AFF3: variants seen among roughly 807,000 people sequenced by gnomAD.
AFF3 encodes ALF transcription elongation factor 3, also known as AF4/FMR2 family member 3.
A neutral mutation model predicts 129.7 loss-of-function variants in AFF3; 32 were observed. The ratio of observed to expected loss-of-function variants is 0.25; its 90% CI spans 0.19 to 0.33. The LOEUF (loss-of-function observed/expected upper bound fraction) is 0.33, where lower values mean the gene tolerates loss of function less well. AFF3 is among the 10% of genes least tolerant of loss of function. AFF3 has a pLI of 1.00. For missense variants in AFF3, 1,373 were observed against 1,592.0 expected, an observed-to-expected ratio of 0.86 and a Z score of 2.34; for synonymous variants, 644 against 635.4, an observed-to-expected ratio of 1.01 and a Z score of -0.20.
At chr2:99,595,793 A>G (rs1679227936) in intron 14 of AFF3, among the ~76,000 whole-genome samples, 1 of 152,160 alleles carries the variant, frequency 6.6e-6, no homozygotes, top group African/African-American at 2.4e-5. Context: ...GAAGCCTCTG[A>G]TGGGCCAGAA....
intron 7 of AFF3, among the ~76,000 whole-genome samples, chr2:99,932,124 T>C (rs1696712381): frequency 6.6e-6 from 1 of 152,244 alleles, no homozygotes; most frequent in African/African-American, 2.4e-5. Context: ...CTGCAGCCCA[T>C]GGACGCATGC....
chr2:99,916,677 C>T (rs765156735), intron 7 of AFF3, among the ~76,000 whole-genome samples: 1 of 152,122 alleles, frequency 6.6e-6, no homozygotes, highest in African/African-American at 2.4e-5. Context: ...GCCAGTGGCA[C>T]ACTGGTTCTT....
At chr2:99,606,740 C>G (rs951631875) in intron 13 of AFF3, among the ~76,000 whole-genome samples, 13 of 151,674 alleles carry the variant, frequency 8.6e-5, no homozygotes, top group African/African-American at 3.1e-4. Context: ...TGGTGAAACC[C>G]CGTCTCTACT....
At position 100,007,844 on chromosome 2, in the gene AFF3, G is replaced by A. The variant is rs182644703; in HGVS notation, c.175-384C>T. ...ACAAAAATTAGTGGGGTGTGGTGTC[G>A]GGCTGCTGTAGTCCCAGCTACTCAG... On this transcript the variant is annotated intron_variant, in intron 5 of 24. Coordinates refer to ENST00000672756, the MANE Select transcript of AFF3 (RefSeq NM_001386135.1). The A allele has an allele frequency of 1.5e-3, 294 of 202,306 alleles. 4 individuals are homozygous for A. The highest frequency in any genetic ancestry group is 6.6e-3 in the African/African-American group (281 of 42,500). 12.5% of individuals were successfully genotyped at this position (202,306 alleles called of 1,614,324 possible). A position where few individuals can be genotyped will look rare whatever the true frequency, so the allele number is the denominator to read the frequency against.
chr2:99,713,737 G>A (rs891296351), intron 11 of AFF3, among the ~76,000 whole-genome samples: 4 of 149,758 alleles, frequency 2.7e-5, no homozygotes, highest in African/African-American at 9.9e-5. Flanking sequence ...TTGTTCTGTT[G>A]CTCTGGCTAG....
chr2:100,139,943 A>G (rs998695296), intron 1 of AFF3, among the ~76,000 whole-genome samples: 18 of 152,248 alleles, frequency 1.2e-4, no homozygotes, highest in Non-Finnish European at 4.4e-5. Flanking sequence ...TGCACAAATT[A>G]TGGAACATCA....
intron 2 of AFF3, among the ~76,000 whole-genome samples, chr2:100,120,312 C>T (rs1280896894): frequency 6.6e-6 from 1 of 152,182 alleles, no homozygotes; most frequent in African/African-American, 2.4e-5. Context: ...ATTCTAACAG[C>T]TCAGTCTGAG....
chr2:99,602,616 C>T (rs1440346298), intron 13 of AFF3, among the ~76,000 whole-genome samples: 1 of 152,128 alleles, frequency 6.6e-6, no homozygotes, highest in African/African-American at 2.4e-5. Flanking sequence ...CTTTTGAGGT[C>T]AAGCTCTAAA....
chr2:99,587,057 A>G, intron 16 of AFF3, 97 bp downstream of exon 16: 1 of 1,518,082 alleles, frequency 6.6e-7, no homozygotes, highest in South Asian at 1.2e-5. Context: ...TGACCAGAGT[A>G]GTCCTCAAAA....
In AFF3 at chr2:99,969,181, C is replaced by T. The variant is rs908812324; in HGVS notation, c.873+37451G>A. ...AGGTGCACTGCCCCAGCACATATTC[C>T]GCCTCTCTTGTTAATGACTCCCCAT... On this transcript the variant is annotated intron_variant, in intron 7 of 24. Coordinates refer to ENST00000672756, the MANE Select transcript of AFF3 (RefSeq NM_001386135.1). 2.1e-4 allele frequency among the ~76,000 whole-genome samples: 32 copies of T among 152,100 alleles called. 1 individual carries two copies. The highest frequency in any genetic ancestry group is 2.0e-3 in the Admixed American group (30 of 15,276).
At chr2:99,723,409 A>G (rs983784250) in intron 11 of AFF3, among the ~76,000 whole-genome samples, 2 of 152,176 alleles carry the variant, frequency 1.3e-5, no homozygotes, top group Admixed American at 1.3e-4. Context: ...AAGTCCATAT[A>G]ATGGCTTTAA....
chr2:99,887,514 T>C (rs72951684), intron 7 of AFF3, among the ~76,000 whole-genome samples: 1 of 152,214 alleles, frequency 6.6e-6, no homozygotes, highest in Non-Finnish European at 1.5e-5. Context: ...TCACAAAATA[T>C]CATAGTATTA....
In AFF3 at chr2:100,024,477, G is replaced by A. The variant is rs972435280; in HGVS notation, c.54-15545C>T. The stretch of plus-strand genomic sequence containing the variant: ...TACAAAATTAGCCGGGCATGGTGGC[G>A]AACGCCTGTAATCCCAGCTACTCGG... On this transcript the variant is annotated intron_variant, in intron 4 of 24. Coordinates refer to ENST00000672756, the MANE Select transcript of AFF3 (RefSeq NM_001386135.1). Among the ~76,000 whole-genome samples, 8 of 151,032 alleles carry A rather than the reference G, an allele frequency of 5.3e-5. No individual in the cohort carries two copies. In the East Asian group the frequency reaches 7.9e-4, roughly 15 times the overall value.
At chr2:99,831,300 A>G (rs1207404087) in intron 8 of AFF3, among the ~76,000 whole-genome samples, 1 of 152,256 alleles carries the variant, frequency 6.6e-6, no homozygotes, top group African/African-American at 2.4e-5. Flanking sequence ...AGTAATCTTC[A>G]GTTCTCATCT....
intron 7 of AFF3, among the ~76,000 whole-genome samples, chr2:99,899,883 T>C (rs955535873): frequency 2.0e-5 from 3 of 152,212 alleles, no homozygotes; most frequent in Non-Finnish European, 4.4e-5. Context: ...TTTGGATATT[T>C]TGAAGGCACG....
intron 12 of AFF3, among the ~76,000 whole-genome samples, chr2:99,662,859 C>T (rs990090502): frequency 2.6e-5 from 4 of 152,144 alleles, no homozygotes; most frequent in Non-Finnish European, 5.9e-5. Flanking sequence ...GTGAATGTCA[C>T]GCTGACTGGA....
intron 7 of AFF3, among the ~76,000 whole-genome samples, chr2:99,977,634 G>A (rs1679018457): frequency 6.6e-6 from 1 of 152,110 alleles, no homozygotes; most frequent in South Asian, 2.1e-4. Flanking sequence ...CTTTTTGCTG[G>A]ACAACCTTGT....
At chr2:100,048,453 T>C (rs1686018478) in intron 4 of AFF3, among the ~76,000 whole-genome samples, 1 of 152,220 alleles carries the variant, frequency 6.6e-6, no homozygotes, top group Non-Finnish European at 1.5e-5. Flanking sequence ...GAAGGGCATG[T>C]TTACTTTAAT....
intron 7 of AFF3, among the ~76,000 whole-genome samples, chr2:99,842,077 C>G (rs993182386): frequency 6.6e-6 from 1 of 152,056 alleles, no homozygotes; most frequent in Non-Finnish European, 1.5e-5. Flanking sequence ...AATCTACTAC[C>G]CCTTCTGTGA....
Sources: gnomAD v4.1 joint callset for allele counts (sites outside exome capture counted in the v4.1 genomes callset) on GRCh38, gnomAD v4.1.1 for gene constraint, MANE v1.5 for transcripts, NCBI Gene and HGNC (gene_info 2026-07-23, HGNC 2026-07-21) for gene names.